Variants in TRPM6 observed in about 807,000 individuals in gnomAD.
The protein encoded by TRPM6 is channel kinase 2.
TRPM6 carries 111 observed loss-of-function variants against 247.6 expected under a neutral mutation model. That is an observed-to-expected ratio of 0.45 (90% CI 0.38 to 0.52). The LOEUF (loss-of-function observed/expected upper bound fraction) is 0.52. Among genes scored for constraint, TRPM6 ranks in the 20% least tolerant of loss-of-function variants. The probability of loss-of-function intolerance (pLI) is 0.00; values close to 1 mark genes in which losing one functional copy is unlikely to be tolerated. For synonymous variants in TRPM6, 892 were observed against 853.8 expected (o/e 1.04, Z -0.78); for missense variants, 2,126 against 2,421.5 (o/e 0.88, Z 2.56).
chr9:74,779,793 G>A, intron 23 of TRPM6, among the ~76,000 whole-genome samples: 1 of 152,338 alleles, frequency 6.6e-6, no homozygotes, highest in East Asian at 1.9e-4. Flanking sequence ...AATAGCAAGT[G>A]CAAAGGCACC....
chr9:74,786,525 G>T (rs536721024), intron 20 of TRPM6, among the ~76,000 whole-genome samples: 2 of 151,316 alleles, frequency 1.3e-5, no homozygotes, highest in East Asian at 4.0e-4. Context: ...GGATCACGGA[G>T]GTCAGGAGAT....
chr9:74,865,139 G>A (rs993475942), intron 1 of TRPM6, among the ~76,000 whole-genome samples: 2 of 151,914 alleles, frequency 1.3e-5, no homozygotes, highest in African/African-American at 4.8e-5. Context: ...GAGTTAAGGA[G>A]TAAAACATTT....
intron 5 of TRPM6, among the ~76,000 whole-genome samples, chr9:74,837,587 C>T (rs1829769163): frequency 6.6e-6 from 1 of 151,980 alleles, no homozygotes; most frequent in East Asian, 1.9e-4. Context: ...GCTGGGACTA[C>T]AGGCGCCCGC....
intron 12 of TRPM6, 35 bp from the exon 13 acceptor site, chr9:74,810,903 T>C (rs1828707157): frequency 1.9e-6 from 3 of 1,566,316 alleles, no homozygotes; most frequent in Middle Eastern, 1.7e-4. Context: ...ATTATTCTCT[T>C]TAATTACCAT....
chr9:74,788,584 C>G (rs1827777482), intron 20 of TRPM6, 30 bp downstream of exon 20: 1 of 1,613,036 alleles, frequency 6.2e-7, no homozygotes, highest in Admixed American at 1.7e-5. Context: ...AGGACATATG[C>G]AGAAGATAAA....
At chr9:74,781,077 G>A (rs1587497921) in intron 23 of TRPM6, among the ~76,000 whole-genome samples, 1 of 152,214 alleles carries the variant, frequency 6.6e-6, no homozygotes, top group South Asian at 2.1e-4. Flanking sequence ...ACTGGGCTGG[G>A]GATATAAATT....
chr9:74,823,894 T>C (rs936083389), intron 7 of TRPM6, among the ~76,000 whole-genome samples: 34 of 151,942 alleles, frequency 2.2e-4, no homozygotes, highest in African/African-American at 7.5e-4. Flanking sequence ...ACCCCAGTTT[T>C]TGCTTAAAAG....
Position 74,840,152 on chromosome 9 carries a change from A to C in TRPM6, c.416T>G (p.Val139Gly). Residue 139 changes from valine to glycine, a missense_variant, in exon 5 of 39, where the codon GTG becomes GGG. This residue lies in a region of TRPM6 where 1,082 missense variants were observed against 1,307.9 expected (regional missense o/e 0.83). Coordinates refer to ENST00000360774, the MANE Select transcript of TRPM6 (RefSeq NM_017662.5). ...KEWKMELPKL[V>G]ISVHGGIQNF... ...CTGGATGCCCCCATGGACTGAGATCACAAGCTTGGGCAGTTCCATTTTCCA... is the reference window on the plus strand; with the variant it reads ...CTGGATGCCCCCATGGACTGAGATCCCAAGCTTGGGCAGTTCCATTTTCCA... 1 of 1,614,076 alleles carries C rather than the reference A, an allele frequency of 6.2e-7. No individual in the cohort carries two copies. Among genetic ancestry groups the C allele is most frequent in the Non-Finnish European group, 8.5e-7 (1 of 1,179,938 alleles).
intron 31 of TRPM6, among the ~76,000 whole-genome samples, chr9:74,746,013 C>T (rs202040443): frequency 1.3e-5 from 2 of 152,160 alleles, no homozygotes; most frequent in African/African-American, 2.4e-5. Flanking sequence ...GAGGCCGAGG[C>T]GAGCAGATCA....
intron 1 of TRPM6, chr9:74,887,201 G>A (rs1345745001): frequency 1.6e-6 from 2 of 1,246,204 alleles, no homozygotes; most frequent in Admixed American, 7.4e-5. Flanking sequence ...GTTGGGGAAG[G>A]AAGCGGACTG....
intron 12 of TRPM6, among the ~76,000 whole-genome samples, chr9:74,811,815 G>A (rs1471273701): frequency 1.3e-5 from 2 of 152,172 alleles, no homozygotes; most frequent in African/African-American, 4.8e-5. Flanking sequence ...CTGGCTTGCA[G>A]GTAGTAAGAA....
At chr9:74,864,489 A>G (rs974781555) in intron 1 of TRPM6, among the ~76,000 whole-genome samples, 1 of 152,184 alleles carries the variant, frequency 6.6e-6, no homozygotes, top group Non-Finnish European at 1.5e-5. Flanking sequence ...AAAAATATCT[A>G]AAAACCAAGT....
chr9:74,780,120 C>T (rs537949714), intron 23 of TRPM6, among the ~76,000 whole-genome samples: 3 of 147,880 alleles, frequency 2.0e-5, no homozygotes, highest in Non-Finnish European at 4.5e-5. Context: ...TGCAGTGAGC[C>T]GAGATAACAC....
At chr9:74,804,189 A>AGAAT (rs1828450610) in intron 14 of TRPM6, among the ~76,000 whole-genome samples, 1 of 152,216 alleles carries the variant, frequency 6.6e-6, no homozygotes, top group South Asian at 2.1e-4. Flanking sequence ...AAATTCCATT[A>AGAAT]GAATGAATGG....
chr9:74,776,905 T>C (rs202180717), intron 23 of TRPM6, among the ~76,000 whole-genome samples: 1 of 152,204 alleles, frequency 6.6e-6, no homozygotes, highest in Admixed American at 6.5e-5. Context: ...TAGAGAAAGA[T>C]AGCAGAGTAG....
At chr9:74,738,325 T>C in intron 36 of TRPM6, 82 bp downstream of exon 36, 1 of 1,432,480 alleles carries the variant, frequency 7.0e-7, no homozygotes, top group Middle Eastern at 2.4e-4. Flanking sequence ...AGCAACTCCA[T>C]ATATTACCCA....
chr9:74,785,971 A>C lies in TRPM6; in HGVS notation c.2822T>G (p.Ile941Ser). The part of the protein sequence containing the change: ...DPPFHTAGRL[I>S]YCIDIIFWFS... ...CCAGAATATGATGTCTATGCAGTAGATCAGTCTTCCCGCTGTGTGAAAAGG... is the reference window on the plus strand; with the variant it reads ...CCAGAATATGATGTCTATGCAGTAGCTCAGTCTTCCCGCTGTGTGAAAAGG... Residue 941 changes from isoleucine (I) to serine (S), a missense_variant, in exon 21 of 39, where the codon ATC becomes AGC. By Grantham distance (142) the Ile-to-Ser change is moderately radical (BLOSUM62 -2). Around this residue, in one of 3 missense-constraint regions of TRPM6, gnomAD observed 1,082 missense variants for 1,307.9 expected, o/e 0.83. Transcript: ENST00000360774. 2 of 1,614,254 alleles carry C rather than the reference A, an allele frequency of 1.2e-6. No homozygotes were observed. Among genetic ancestry groups the C allele is most frequent in the Non-Finnish European group, 1.7e-6 (2 of 1,180,050 alleles).
At position 74,739,969 on chromosome 9, in the gene TRPM6, G is replaced by A; in HGVS notation, c.5241C>T (p.Ser1747=). The A allele has an allele frequency of 6.2e-7, 1 of 1,614,052 alleles. No individual in the cohort carries two copies. The highest frequency in any genetic ancestry group is 8.5e-7 in the Non-Finnish European group (1 of 1,180,004). The part of the protein sequence containing the change: ...EITVYRLEES[S]PLNLDKSMSS... ...ACATGCTTTTATCAAGGTTTAAAGG[G>A]GAACTCTCCTCCAACCTGTAGACAG... is the stretch of plus-strand genomic sequence containing the variant. Residue 1747 remains serine (S), a synonymous_variant, in exon 34 of 39, where the codon TCC becomes TCT. Coordinates refer to ENST00000360774, the MANE Select transcript of TRPM6 (RefSeq NM_017662.5).
chr9:74,858,818 C>A, intron 1 of TRPM6, 70 bp from the exon 2 acceptor site: 1 of 1,286,668 alleles, frequency 7.8e-7, no homozygotes, highest in Non-Finnish European at 1.1e-6. Flanking sequence ...GTAGTTCCTG[C>A]AGGTAAGAAA....
Sources: gnomAD v4.1 joint callset for allele counts (sites outside exome capture counted in the v4.1 genomes callset) on GRCh38, gnomAD v4.1.1 for gene constraint, gnomAD v4.1.1 regional missense constraint, MANE v1.5 for transcripts, NCBI Gene and HGNC (gene_info 2026-07-23, HGNC 2026-07-21) for gene names.